MAGOHB: variants seen among roughly 807,000 people sequenced by gnomAD.
MAGOHB encodes the protein protein mago nashi homolog 2.
Under a neutral mutation model 20.9 loss-of-function variants are expected in MAGOHB, and 15 were observed. That is an observed-to-expected ratio of 0.72 (90% CI 0.48 to 1.11). The LOEUF is 1.11. Among genes scored for constraint, MAGOHB ranks in the 50% least tolerant of loss-of-function variants. MAGOHB has a pLI of 0.00. For missense variants in MAGOHB, 162 were observed against 177.6 expected, an observed-to-expected ratio of 0.91 and a Z score of 0.50; for synonymous variants, 50 against 57.9, an observed-to-expected ratio of 0.86 and a Z score of 0.62.
intron 3 of MAGOHB, chr12:10,609,086 G>A (rs1401439631): frequency 1.2e-5 from 2 of 163,648 alleles, no homozygotes; most frequent in Non-Finnish European, 2.7e-5. Context: ...AATAAATACT[G>A]TTAACTATTA....
At chr12:10,610,049 A>C in intron 2 of MAGOHB, 108 bp from the exon 3 acceptor site, 1 of 585,854 alleles carries the variant, frequency 1.7e-6, no homozygotes. Flanking sequence ...AATATAGAAA[A>C]ATTTAATTGA....
chr12:10,609,772 A>C, intron 3 of MAGOHB, 59 bp downstream of exon 3: 2 of 1,080,490 alleles, frequency 1.9e-6, no homozygotes. Flanking sequence ...ATAACGGGAA[A>C]CAAAATAGTA....
At chr12:10,612,748 T>G in intron 1 of MAGOHB, 1 of 1,202,336 alleles carries the variant, frequency 8.3e-7, no homozygotes, top group Admixed American at 3.2e-5. Context: ...AAGATCAATG[T>G]AACATTCTCT....
In MAGOHB at chr12:10,606,011, A is replaced by G. The variant is rs1865622953; in HGVS notation, c.*264T>C. On this transcript the variant is annotated 3_prime_UTR_variant, in exon 5 of 5. Coordinates refer to ENST00000320756, the MANE Select transcript of MAGOHB (RefSeq NM_018048.5). ...GGAAAAAACAAAAAACTACTCTGCA[A>G]CCAGGATTTGGTATGTTTTATTAGA... 1 of 221,428 alleles carries G rather than the reference A, an allele frequency of 4.5e-6. No individual in the cohort carries two copies. The highest frequency in any genetic ancestry group is 8.9e-6 in the Non-Finnish European group (1 of 112,608). The allele number at this position is 221,428 out of a possible 1,614,324, so 13.7% of individuals were successfully genotyped here. A position where few individuals can be genotyped will look rare whatever the true frequency, so the allele number is the denominator to read the frequency against.
chr12:10,600,776 T>C (rs1296229599), downstream of MAGOHB, among the ~76,000 whole-genome samples: 2 of 152,204 alleles, frequency 1.3e-5, no homozygotes, highest in African/African-American at 4.8e-5. Context: ...TCTTTTTCAA[T>C]CTTCTGATTA....
downstream of MAGOHB, among the ~76,000 whole-genome samples, chr12:10,600,446 G>C (rs1865543527): frequency 6.6e-6 from 1 of 151,566 alleles, no homozygotes; most frequent in East Asian, 1.9e-4. Context: ...ATGTCAAAGG[G>C]TATATGTATT....
At chr12:10,612,981 A>T (rs1186417691) in intron 1 of MAGOHB, 1 of 1,276,614 alleles carries the variant, frequency 7.8e-7, no homozygotes, top group South Asian at 1.2e-5. Context: ...CATGCGTCCT[A>T]TGGTGAACAA....
rs145820785 is a variant in MAGOHB, at chr12:10,606,099, C to T, written c.*176G>A. ...TTTAATGTGTGTGGGGACTGTCCAA[C>T]CCATATGGACTCAAGTAAGGATAAC... On this transcript the variant is annotated 3_prime_UTR_variant, in exon 5 of 5. Transcript: ENST00000320756. The T allele has an allele frequency of 2.0e-4, 92 of 465,708 alleles. No homozygotes were observed. The highest frequency in any genetic ancestry group is 3.2e-4 in the Non-Finnish European group (82 of 259,690). The allele number at this position is 465,708 out of a possible 1,614,324, so 28.8% of individuals were successfully genotyped here.
intron 1 of MAGOHB, chr12:10,612,842 A>G (rs1865772218): frequency 7.8e-7 from 1 of 1,289,110 alleles, no homozygotes. Context: ...CTGCTCTGGA[A>G]GTCTGTTTTT....
chr12:10,610,684 T>A lies in MAGOHB; in HGVS notation c.95-4A>T. ...TTGTTGGCATATCTAAGCTTTCCTG[T>A]GGGAAGTGGAAAAAAATCAATTTAT... On this transcript the variant is annotated splice_polypyrimidine_tract_variant and splice_region_variant and intron_variant, in intron 1 of 4. Coordinates refer to ENST00000320756, the MANE Select transcript of MAGOHB (RefSeq NM_018048.5). 2.5e-6 allele frequency: 4 copies of A among 1,574,670 alleles called. No individual in the cohort carries two copies. Among genetic ancestry groups the A allele is most frequent in the Non-Finnish European group, 3.4e-6 (4 of 1,167,458 alleles).
At chr12:10,602,862 C>G (rs1295042735), downstream of MAGOHB, among the ~76,000 whole-genome samples, 1 of 152,134 alleles carries the variant, frequency 6.6e-6, no homozygotes, top group Non-Finnish European at 1.5e-5. Flanking sequence ...TATCATTTCA[C>G]AGCAGCACAC....
chr12:10,602,037 A>G (rs139435526), downstream of MAGOHB, among the ~76,000 whole-genome samples: 177 of 152,320 alleles, frequency 1.2e-3, 1 homozygote, highest in African/African-American at 4.0e-3. Flanking sequence ...CCGTGGCTGC[A>G]TATCTTACTG....
At chr12:10,606,433 T>C (rs10772333) in intron 4 of MAGOHB, 59 bp from the exon 5 acceptor site, 692,828 of 877,292 alleles carry the variant, frequency 0.79, 276,538 homozygotes, top group East Asian at 0.99. Context: ...ATTCTTTAAA[T>C]GCCTAAAACA....
downstream of MAGOHB, among the ~76,000 whole-genome samples, chr12:10,602,298 C>T (rs1461584159): frequency 1.3e-5 from 2 of 152,202 alleles, no homozygotes; most frequent in Non-Finnish European, 2.9e-5. Flanking sequence ...CCAAGTGGAT[C>T]AAGTTAAAAG....
chr12:10,610,220 G>A (rs760979932), intron 2 of MAGOHB, among the ~76,000 whole-genome samples: 100 of 152,062 alleles, frequency 6.6e-4, no homozygotes, highest in Non-Finnish European at 1.2e-3. Flanking sequence ...ATACCCACAA[G>A]TGGTTAACTT....
chr12:10,613,350 T>G, intron 1 of MAGOHB, 89 bp downstream of exon 1: 1 of 1,122,708 alleles, frequency 8.9e-7, no homozygotes, highest in South Asian at 1.2e-5. Context: ...AGGGAAGCAG[T>G]GGCCTCCGCC....
In MAGOHB at chr12:10,607,868, A is replaced by G. The variant is rs35870539; in HGVS notation, c.333T>C (p.Asp111=). The G allele has an allele frequency of 6.2e-5, 98 of 1,585,694 alleles. No homozygotes were observed. In the African/African-American group the frequency reaches 1.3e-3, roughly 21 times the overall value. The change falls in exon 4 of 5, where the codon GAT becomes GAC. Residue 111 remains aspartate (D), a synonymous_variant. Transcript: ENST00000320756. The part of the protein sequence containing the change: ...FTTSKIGSLI[D]VNQSKDPEGL... ...AACATACTTACTTTGACTGATTTACATCAATAAGAGAACCTATTTTTGATG... is the reference window on the plus strand; with the variant it reads ...AACATACTTACTTTGACTGATTTACGTCAATAAGAGAACCTATTTTTGATG...
downstream of MAGOHB, among the ~76,000 whole-genome samples, chr12:10,603,111 A>G (rs946861422): frequency 2.6e-5 from 4 of 152,108 alleles, no homozygotes; most frequent in African/African-American, 7.2e-5. Context: ...GGAGATAGAG[A>G]CCATTCTGGC....
downstream of MAGOHB, among the ~76,000 whole-genome samples, chr12:10,602,319 T>C (rs150234700): frequency 6.6e-6 from 1 of 152,352 alleles, no homozygotes. Context: ...GAACTGACTA[T>C]AAAATCTAGA....
Sources: gnomAD v4.1 joint callset for allele counts (sites outside exome capture counted in the v4.1 genomes callset) on GRCh38, gnomAD v4.1.1 for gene constraint, MANE v1.5 for transcripts, NCBI Gene and HGNC (gene_info 2026-07-23, HGNC 2026-07-21) for gene names.